ABCB11: variants seen among roughly 807,000 people sequenced by gnomAD.
ABCB11 encodes ATP binding cassette subfamily B member 11.
A neutral mutation model predicts 148.0 loss-of-function variants in ABCB11; 95 were observed. That is an observed-to-expected ratio of 0.64 (90% CI 0.54 to 0.76). The LOEUF (loss-of-function observed/expected upper bound fraction) is 0.76. Ranked by LOEUF, ABCB11 falls within the 30% of genes least tolerant of loss-of-function variation. ABCB11 has a pLI of 0.00. For synonymous variants in ABCB11, 591 were observed against 555.4 expected (o/e 1.06, Z -0.90); for missense variants, 1,523 against 1,617.8 (o/e 0.94, Z 1.01).
rs1389366225 is a variant in ABCB11 at position 168,922,003 on chromosome 2, C to T, written c.*1619G>A. On this transcript the variant is annotated 3_prime_UTR_variant, in exon 28 of 28. Coordinates refer to ENST00000650372, the MANE Select transcript of ABCB11 (RefSeq NM_003742.4). ...AGCTGGGACTACAGGCGCCCGCCAC[C>T]ACGCCCGGCTAATTTTTTTGTATTT... Among the ~76,000 whole-genome samples, 2 of 151,962 alleles carry T rather than the reference C, an allele frequency of 1.3e-5. No homozygotes were observed. Among genetic ancestry groups the T allele is most frequent in the Non-Finnish European group, 2.9e-5 (2 of 67,990 alleles).
chr2:168,992,014 A>ATT (rs1320630457), intron 8 of ABCB11, among the ~76,000 whole-genome samples: 35 of 140,348 alleles, frequency 2.5e-4, no homozygotes, highest in African/African-American at 4.4e-4. Flanking sequence ...TTTAAAAAAA[A>ATT]TTTTTTTTTT....
intron 25 of ABCB11, among the ~76,000 whole-genome samples, chr2:168,930,314 C>T (rs1016022135): frequency 6.6e-6 from 1 of 152,186 alleles, no homozygotes; most frequent in South Asian, 2.1e-4. Flanking sequence ...TATCACTCTA[C>T]TTTTTCCATT....
At chr2:168,932,926 G>T (rs987019131) in intron 23 of ABCB11, among the ~76,000 whole-genome samples, 1 of 151,956 alleles carries the variant, frequency 6.6e-6, no homozygotes, top group Non-Finnish European at 1.5e-5. Context: ...TGGCTAACAC[G>T]GTGAAACCCC....
At chr2:168,964,041 T>C (rs1183682754) in intron 18 of ABCB11, among the ~76,000 whole-genome samples, 165 bp downstream of exon 18, 1 of 151,806 alleles carries the variant, frequency 6.6e-6, no homozygotes, top group African/African-American at 2.4e-5. Flanking sequence ...AAATATTGTG[T>C]AAAACTTAGA....
At chr2:168,918,902 C>T (rs924650783), downstream of ABCB11, among the ~76,000 whole-genome samples, 1 of 151,998 alleles carries the variant, frequency 6.6e-6, no homozygotes, top group South Asian at 2.1e-4. Flanking sequence ...AACTGTACTG[C>T]ATTTCTATCC....
chr2:168,920,389 T>TA (rs1691038940), downstream of ABCB11, among the ~76,000 whole-genome samples: 1 of 87,648 alleles, frequency 1.1e-5, no homozygotes, highest in South Asian at 5.4e-4. Flanking sequence ...ATTTATTTTT[T>TA]TAAATAAACT....
intron 5 of ABCB11, among the ~76,000 whole-genome samples, chr2:169,008,240 G>A (rs547946580): frequency 4.0e-4 from 61 of 152,302 alleles, no homozygotes; most frequent in African/African-American, 1.2e-3. Flanking sequence ...TCGCTGGGTG[G>A]AAATCAAGGT....
At chr2:169,001,345 C>T (rs1694864286) in intron 5 of ABCB11, among the ~76,000 whole-genome samples, 1 of 152,152 alleles carries the variant, frequency 6.6e-6, no homozygotes, top group African/African-American at 2.4e-5. Context: ...CATTCCTTAG[C>T]CATTCTTTTG....
intron 12 of ABCB11, among the ~76,000 whole-genome samples, chr2:168,974,296 T>C (rs1693720003): frequency 6.6e-6 from 1 of 152,056 alleles, no homozygotes; most frequent in East Asian, 1.9e-4. Flanking sequence ...CCGTCCGTCA[T>C]GTGTATGGTG....
At chr2:168,963,784 C>G (rs2105945831) in intron 18 of ABCB11, among the ~76,000 whole-genome samples, 1 of 151,768 alleles carries the variant, frequency 6.6e-6, no homozygotes, top group South Asian at 2.1e-4. Flanking sequence ...TTTTGTTGAT[C>G]AAGGTATTTT....
chr2:168,971,767 G>T (rs2241341), intron 14 of ABCB11, 80 bp downstream of exon 14: 1 of 1,320,676 alleles, frequency 7.6e-7, no homozygotes, highest in Non-Finnish European at 1.1e-6. Context: ...AATCATACGA[G>T]AAGAAATGTG....
At position 168,970,065 on chromosome 2, in the gene ABCB11, C is replaced by G. The variant is rs72886795; in HGVS notation, c.1789G>C (p.Val597Leu). 4 of 1,611,932 alleles carry G rather than the reference C, an allele frequency of 2.5e-6. No homozygotes were observed. Among genetic ancestry groups the G allele is most frequent in the South Asian group, 1.1e-5 (1 of 91,050 alleles). ...SALDNESEAMVQEVLSKIQHG... is the reference protein window; with the variant it reads ...SALDNESEAMLQEVLSKIQHG... ...CAAACCTTACTCAGCACTTCTTGCA[C>G]CATGGCTTCACTCTCATTGTCCAGA... The change falls in exon 15 of 28, where the codon GTG (valine) becomes CTG (leucine). Residue 597 changes from valine (V) to leucine (L), a missense_variant. Coordinates refer to ENST00000650372, the MANE Select transcript of ABCB11 (RefSeq NM_003742.4).
chr2:168,945,207 C>T (rs944390499), intron 19 of ABCB11, among the ~76,000 whole-genome samples: 3 of 151,416 alleles, frequency 2.0e-5, no homozygotes, highest in South Asian at 2.1e-4. Flanking sequence ...GGAGGTTATG[C>T]GTGTAGGGTG....
chr2:168,963,618 C>G (rs1693169780), intron 18 of ABCB11, among the ~76,000 whole-genome samples: 1 of 151,770 alleles, frequency 6.6e-6, no homozygotes, highest in Non-Finnish European at 1.5e-5. Context: ...TTTTATGCTA[C>G]CTTGAATTAT....
chr2:168,961,422 T>G (rs1439931048), intron 18 of ABCB11, among the ~76,000 whole-genome samples: 1 of 151,736 alleles, frequency 6.6e-6, no homozygotes, highest in African/African-American at 2.4e-5. Context: ...GAACTAATAC[T>G]GATAGCCATT....
At chr2:169,013,153 C>T (rs1695238671) in intron 5 of ABCB11, 119 bp downstream of exon 5, 1 of 697,280 alleles carries the variant, frequency 1.4e-6, no homozygotes, top group African/African-American at 1.8e-5. Context: ...ACTCATGTTT[C>T]TATTCTCTTT....
chr2:168,953,573 T>G (rs189098285), intron 19 of ABCB11, among the ~76,000 whole-genome samples: 200 of 151,736 alleles, frequency 1.3e-3, no homozygotes, highest in Non-Finnish European at 2.4e-3. Context: ...ACTCTCAGTC[T>G]ATATGTGTCT....
intron 1 of ABCB11, among the ~76,000 whole-genome samples, chr2:169,028,971 A>G (rs1695780401): frequency 6.6e-6 from 1 of 152,154 alleles, no homozygotes; most frequent in Non-Finnish European, 1.5e-5. Context: ...TCAGGCCAAG[A>G]TGGTAAGAAG....
chr2:168,962,033 T>C (rs1224982891), intron 18 of ABCB11, among the ~76,000 whole-genome samples: 1 of 151,752 alleles, frequency 6.6e-6, no homozygotes, highest in African/African-American at 2.4e-5. Flanking sequence ...TACTTGAGAT[T>C]AGAAATTTCA....
Sources: gnomAD v4.1 joint callset for allele counts (sites outside exome capture counted in the v4.1 genomes callset) on GRCh38, gnomAD v4.1.1 for gene constraint, MANE v1.5 for transcripts, NCBI Gene and HGNC (gene_info 2026-07-23, HGNC 2026-07-21) for gene names.